Variants in PRDM16 observed in about 807,000 individuals in gnomAD.
PRDM16 encodes histone-lysine N-methyltransferase PRDM16.
A neutral mutation model predicts 110.6 loss-of-function variants in PRDM16; 23 were observed. The observed-to-expected ratio is 0.21, with a 90% CI of 0.15 to 0.29. The LOEUF (loss-of-function observed/expected upper bound fraction) is 0.29. Among genes scored for constraint, PRDM16 ranks in the 10% least tolerant of loss-of-function variants. The probability of loss-of-function intolerance (pLI) is 1.00; values close to 1 mark genes in which losing one functional copy is unlikely to be tolerated. For missense variants in PRDM16, 1,615 were observed against 1,794.3 expected (o/e 0.90, Z 1.81); for synonymous variants, 799 against 781.8 (o/e 1.02, Z -0.37).
chr1:3,409,739 T>G (rs555635828), intron 8 of PRDM16, among the ~76,000 whole-genome samples: 48 of 128,560 alleles, frequency 3.7e-4, no homozygotes, highest in African/African-American at 1.2e-3. Flanking sequence ...GTAGTGTGGG[T>G]GTGTGTGTGG....
At chr1:3,074,879 C>T (rs1375060327) in intron 1 of PRDM16, among the ~76,000 whole-genome samples, 5 of 152,256 alleles carry the variant, frequency 3.3e-5, no homozygotes, top group Non-Finnish European at 7.3e-5. Context: ...TGGAAGGGGC[C>T]GGCTGCTGAC....
chr1:3,138,658 G>C (rs1176884854), intron 1 of PRDM16, among the ~76,000 whole-genome samples: 2 of 152,184 alleles, frequency 1.3e-5, no homozygotes, highest in African/African-American at 2.4e-5. Flanking sequence ...TCTGAATATG[G>C]TACCAGCACC....
Position 3,431,022 on chromosome 1 carries a change from C to A in PRDM16, c.3435C>A (p.Pro1145=). Residue 1145 remains proline, a synonymous_variant, in exon 15 of 17, where the codon CCC becomes CCA. Coordinates refer to ENST00000270722, the MANE Select transcript of PRDM16 (RefSeq NM_022114.4). The part of the protein sequence containing the change: ...AGKSQDDTVS[P]APEPQAAYED... ...AGTCGCAGGATGACACCGTGTCCCC[C>A]GCACCCGAGCCCCAGGCCGCCTACG... The A allele has an allele frequency of 1.9e-6, 3 of 1,573,532 alleles. No individual in the cohort carries two copies. Among genetic ancestry groups the A allele is most frequent in the Non-Finnish European group, 2.6e-6 (3 of 1,159,522 alleles).
At position 3,243,988 on chromosome 1, in the gene PRDM16, C is replaced by A; in HGVS notation, c.388-99C>A. ...GAAGCCACTGGGTCCCACCCTGTGA[C>A]TTTTGGGGACAGTGGTTCTGCCCCC... On this transcript the variant is annotated intron_variant, in intron 2 of 16. Coordinates refer to ENST00000270722, the MANE Select transcript of PRDM16 (RefSeq NM_022114.4). This position sits in a 1 kb window ranked among gnomAD's most constrained non-coding sequence, Gnocchi z 5.5. 1 of 1,253,470 alleles carries A rather than the reference C, an allele frequency of 8.0e-7. No homozygotes were observed. The highest frequency in any genetic ancestry group is 1.2e-6 in the Non-Finnish European group (1 of 854,678). The allele number at this position is 1,253,470 out of a possible 1,614,324, so 77.6% of individuals were successfully genotyped here.
chr1:3,182,274 C>G (rs939859869), intron 1 of PRDM16, among the ~76,000 whole-genome samples: 1 of 152,242 alleles, frequency 6.6e-6, no homozygotes, highest in Non-Finnish European at 1.5e-5. Flanking sequence ...CAGAGCCGCT[C>G]GGCGCTCGGG....
At chr1:3,351,916 G>A (rs371327905) in intron 3 of PRDM16, among the ~76,000 whole-genome samples, 6 of 151,060 alleles carry the variant, frequency 4.0e-5, no homozygotes, top group East Asian at 2.0e-4. Context: ...GGGCGGGGAG[G>A]CACTGATGCC....
Position 3,255,695 on chromosome 1 carries a change from C to T in PRDM16, c.438+11558C>T, listed in dbSNP as rs749847249. ...GTTGGGCCCAGTTTGTCCTGACTGC[C>T]TGCCCCCCTTGGATGCCAGAGCTAT... On this transcript the variant is annotated intron_variant, in intron 3 of 16. Coordinates refer to ENST00000270722, the MANE Select transcript of PRDM16 (RefSeq NM_022114.4). This position sits in a 1 kb window ranked among gnomAD's most constrained non-coding sequence, Gnocchi z 4.7. Among the ~76,000 whole-genome samples the T allele has an allele frequency of 3.4e-4, 52 of 152,358 alleles. No homozygotes were observed. The highest frequency in any genetic ancestry group is 8.5e-4 in the Admixed American group (13 of 15,310).
chr1:3,215,630 G>A lies in PRDM16; in HGVS notation c.388-28457G>A, dbSNP rs542143370. Among the ~76,000 whole-genome samples, 86 of 152,274 alleles carry A rather than the reference G, an allele frequency of 5.6e-4. 1 individual carries two copies. The highest frequency in any genetic ancestry group is 1.9e-3 in the African/African-American group (81 of 41,550). On this transcript the variant is annotated intron_variant, in intron 2 of 16. Coordinates refer to ENST00000270722, the MANE Select transcript of PRDM16 (RefSeq NM_022114.4). Reference sequence around the variant, plus strand: ...GGGCCCTGTCCTCCGGGGACCTGTCGAGTCAGTGCTCCTCTGCACGGTGGC... The same window carrying A: ...GGGCCCTGTCCTCCGGGGACCTGTCAAGTCAGTGCTCCTCTGCACGGTGGC...
At chr1:3,233,206 G>A (rs1245330998) in intron 2 of PRDM16, among the ~76,000 whole-genome samples, 1 of 152,212 alleles carries the variant, frequency 6.6e-6, no homozygotes, top group Non-Finnish European at 1.5e-5. Context: ...CCCAGGGTGG[G>A]GGTGGCCGGT....
At chr1:3,403,459 G>A (rs1030470906) in intron 6 of PRDM16, among the ~76,000 whole-genome samples, 2 of 152,342 alleles carry the variant, frequency 1.3e-5, no homozygotes, top group African/African-American at 2.4e-5. Flanking sequence ...CCCACCCTCC[G>A]GACACACGAG....
At chr1:3,115,595 C>T (rs74050106) in intron 1 of PRDM16, among the ~76,000 whole-genome samples, 1,805 of 152,350 alleles carry the variant, frequency 0.012, 32 homozygotes, top group African/African-American at 0.041. Flanking sequence ...CGGCCTCCGC[C>T]GTAAGCCTGA....
Position 3,335,602 on chromosome 1 carries a change from A to ACACACACACACAC in PRDM16, c.439-49550_439-49549insCACACACACACAC, listed in dbSNP as rs1642127605. ...AAATCTAACCTTTGGCTGAGGTTAA[A>ACACACACACACAC]ACACACACACACACACACACACACA... On this transcript the variant is annotated intron_variant, in intron 3 of 16. Transcript: ENST00000270722. Among the ~76,000 whole-genome samples, 5 of 144,436 alleles carry ACACACACACACAC rather than the reference A, an allele frequency of 3.5e-5. No individual in the cohort carries two copies. In the East Asian group the frequency reaches 1.1e-3, roughly 31 times the overall value. 94.8% of individuals were successfully genotyped at this position (144,436 alleles called of 152,430 possible).
At chr1:3,181,802 A>C (rs1644206691) in intron 1 of PRDM16, among the ~76,000 whole-genome samples, 1 of 141,496 alleles carries the variant, frequency 7.1e-6, no homozygotes, top group African/African-American at 2.7e-5. Flanking sequence ...ATGCAGTCTT[A>C]CACACGGTCT....
At chr1:3,409,029 G>GT (rs1643619099) in intron 8 of PRDM16, among the ~76,000 whole-genome samples, 2 of 151,192 alleles carry the variant, frequency 1.3e-5, no homozygotes, top group South Asian at 4.2e-4. Flanking sequence ...GTCAGTGTGT[G>GT]TGAGTGTGGG....
chr1:3,089,937 C>A (rs371212122), intron 1 of PRDM16, among the ~76,000 whole-genome samples: 3 of 152,260 alleles, frequency 2.0e-5, no homozygotes, highest in Non-Finnish European at 4.4e-5. Flanking sequence ...TTCATCCATT[C>A]ATTCCTGCCA....
intron 1 of PRDM16, among the ~76,000 whole-genome samples, chr1:3,108,903 T>TAA (rs34467003): frequency 6.8e-5 from 10 of 146,182 alleles, no homozygotes; most frequent in Non-Finnish European, 1.4e-4. Context: ...CTGTCTCTAC[T>TAA]AAAAAAAAAA....
chr1:3,373,098 C>A (rs554745393), intron 3 of PRDM16, among the ~76,000 whole-genome samples: 1 of 152,328 alleles, frequency 6.6e-6, no homozygotes, highest in African/African-American at 2.4e-5. Context: ...AGCAGGACAC[C>A]CAGTGGGGCG....
At chr1:3,234,483 G>A (rs1283227523) in intron 2 of PRDM16, among the ~76,000 whole-genome samples, 1 of 152,196 alleles carries the variant, frequency 6.6e-6, no homozygotes, top group African/African-American at 2.4e-5. Flanking sequence ...TCGAGGCCCA[G>A]GTATCTGATT....
intron 3 of PRDM16, among the ~76,000 whole-genome samples, chr1:3,267,118 C>G (rs1359822273): frequency 6.6e-6 from 1 of 152,192 alleles, no homozygotes; most frequent in Non-Finnish European, 1.5e-5. Context: ...CTGTCTAGTT[C>G]TGGAGCATCT....
Sources: gnomAD v4.1 joint callset for allele counts (sites outside exome capture counted in the v4.1 genomes callset) on GRCh38, gnomAD v4.1.1 for gene constraint, Gnocchi (gnomAD v3.1) non-coding constraint, MANE v1.5 for transcripts, NCBI Gene and HGNC (gene_info 2026-07-23, HGNC 2026-07-21) for gene names.